MUC20: variants seen among roughly 807,000 people sequenced by gnomAD.
MUC20 encodes the protein mucin 20, cell surface associated, also known as mucin-20.
A neutral mutation model predicts 23.8 loss-of-function variants in MUC20; 14 were observed. The observed-to-expected ratio is 0.59, with a 90% confidence interval of 0.39 to 0.92. MUC20 has a LOEUF of 0.92. MUC20 is among the 40% of genes least tolerant of loss of function. The probability of loss-of-function intolerance (pLI) is 0.00; values close to 1 mark genes in which losing one functional copy is unlikely to be tolerated. For missense variants in MUC20, 375 were observed against 668.8 expected (o/e 0.56, Z 4.85); for synonymous variants, 166 against 279.3 (o/e 0.59, Z 4.04).
chr3:195,726,700 C>T, intron 2 of MUC20, 128 bp downstream of exon 2: 1 of 1,128,422 alleles, frequency 8.9e-7, no homozygotes, highest in Non-Finnish European at 1.3e-6. Context: ...GATGTTGCCT[C>T]TTCGTGATCT....
Position 195,724,990 on chromosome 3 carries a change from C to T in MUC20, c.387C>T (p.Thr129=), listed in dbSNP as rs371052229. ...GAGCTGGAATGACCACAGTTCAGAC[C>T]ATCACAGGCAGTGATCCCAGGGAAG... ...PEGAGMTTVQ[T]ITGSDPREAI... The change falls in exon 2 of 4, where the codon ACC becomes ACT. Residue 129 remains threonine (T), a synonymous_variant. Transcript: ENST00000447234. The T allele has an allele frequency of 4.4e-5, 70 of 1,596,270 alleles. No homozygotes were observed. Among genetic ancestry groups the T allele is most frequent in the Non-Finnish European group, 6.0e-5 (70 of 1,175,104 alleles).
Position 195,733,219 on chromosome 3 carries a change from C to T in MUC20, c.*1C>T, listed in dbSNP as rs370470747. On this transcript the variant is annotated 3_prime_UTR_variant, in exon 4 of 4. Transcript: ENST00000447234. ...CTTACTGCGTGTCAGGAGAGGCTAACGGACATCAGCTGCAGCCAGGCATGT... is the reference window on the plus strand; with the variant it reads ...CTTACTGCGTGTCAGGAGAGGCTAATGGACATCAGCTGCAGCCAGGCATGT... 2.0e-4 allele frequency: 325 copies of T among 1,587,426 alleles called. 1 individual carries two copies. The highest frequency in any genetic ancestry group is 1.6e-4 in the Middle Eastern group (1 of 6,074).
intron 2 of MUC20, among the ~76,000 whole-genome samples, chr3:195,728,404 A>G (rs62283738): frequency 0.18 from 26,516 of 150,318 alleles, 1,683 homozygotes; most frequent in Non-Finnish European, 0.22. Flanking sequence ...TCAAGGGAAG[A>G]TACTATGCCT....
chr3:195,733,330 A>C lies in MUC20; in HGVS notation c.*112A>C. 1 of 1,521,434 alleles carries C rather than the reference A, an allele frequency of 6.6e-7. No homozygotes were observed. Among genetic ancestry groups the C allele is most frequent in the Non-Finnish European group, 8.8e-7 (1 of 1,130,862 alleles). 94.2% of individuals were successfully genotyped at this position (1,521,434 alleles called of 1,614,324 possible). ...CGTTACTGTGCTGAGAGGTACCCAG[A>C]AGGTTCCCATGAAGGGCAGCATGTC... On this transcript the variant is annotated 3_prime_UTR_variant, in exon 4 of 4. Transcript: ENST00000447234.
intron 2 of MUC20, among the ~76,000 whole-genome samples, chr3:195,728,392 GT>G (rs1258524168): frequency 1.3e-5 from 2 of 152,284 alleles, no homozygotes; most frequent in Non-Finnish European, 2.9e-5. Flanking sequence ...TCATAATTAA[GT>G]TCAAGGGAAG....
In MUC20 at chr3:195,726,130, A is replaced by G; in HGVS notation, c.1527A>G (p.Glu509=). ...CCACTAACAGCGCCACAGAAAGAGA[A>G]GTGACAGCACCCGGGGCCACGACCC... ...PLPTNSATER[E]VTAPGATTLS... is the part of the protein sequence containing the mutation. The change falls in exon 2 of 4, where the codon GAA becomes GAG. Residue 509 remains glutamate, a synonymous_variant. Transcript: ENST00000447234. 3 of 1,608,708 alleles carry G rather than the reference A, an allele frequency of 1.9e-6. No individual in the cohort carries two copies. Among genetic ancestry groups the G allele is most frequent in the Non-Finnish European group, 2.6e-6 (3 of 1,175,972 alleles).
At position 195,728,301 on chromosome 3, in the gene MUC20, T is replaced by C. The variant is rs964586605; in HGVS notation, c.1970-1347T>C. 3.6e-3 allele frequency among the ~76,000 whole-genome samples: 546 copies of C among 152,256 alleles called. 6 individuals carry two copies. Among genetic ancestry groups the C allele is most frequent in the African/African-American group, 7.6e-3 (316 of 41,490 alleles). On this transcript the variant is annotated intron_variant, in intron 2 of 3. Coordinates refer to ENST00000447234, the MANE Select transcript of MUC20 (RefSeq NM_001282506.2). ...TTATTGATTATTATTTTCATTATTT[T>C]AGCAAAAAGGAATGTAGTAGGAGAG...
chr3:195,728,748 G>A (rs371941147), intron 2 of MUC20, among the ~76,000 whole-genome samples: 7,967 of 149,500 alleles, frequency 0.053, 28 homozygotes, highest in Middle Eastern at 0.09. Flanking sequence ...CTATACATGG[G>A]GAGAAAGCTT....
Position 195,733,498 on chromosome 3 carries a change from G to C in MUC20, c.*280G>C. 1 of 1,378,956 alleles carries C rather than the reference G, an allele frequency of 7.3e-7. No individual in the cohort carries two copies. Among genetic ancestry groups the C allele is most frequent in the Non-Finnish European group, 9.3e-7 (1 of 1,070,244 alleles). The allele number at this position is 1,378,956 out of a possible 1,614,324, so 85.4% of individuals were successfully genotyped here. On this transcript the variant is annotated 3_prime_UTR_variant, in exon 4 of 4. Coordinates refer to ENST00000447234, the MANE Select transcript of MUC20 (RefSeq NM_001282506.2). ...TCTGTGTTTCAGTAAAGAGAGACCT[G>C]ATCACCCATCTGTGTGCTTCCATCC...
intron 2 of MUC20, 83 bp from the exon 3 acceptor site, chr3:195,729,565 C>T (rs779676970): frequency 7.6e-7 from 1 of 1,319,258 alleles, no homozygotes; most frequent in South Asian, 1.3e-5. Flanking sequence ...ATCCACCTGC[C>T]TCTGCCTCCC....
intron 2 of MUC20, chr3:195,729,437 C>T (rs1713124011): frequency 3.6e-6 from 2 of 559,660 alleles, no homozygotes; most frequent in Non-Finnish European, 6.3e-6. Context: ...CTGCCTCAGC[C>T]TCCTGAGTAG....
chr3:195,729,308 C>G (rs1470232911), intron 2 of MUC20: 1 of 313,414 alleles, frequency 3.2e-6, no homozygotes, highest in Non-Finnish European at 5.9e-6. Context: ...ACTATTTCAT[C>G]CTCCTCTTTT....
chr3:195,729,680 A>T lies in MUC20; in HGVS notation c.2002A>T (p.Ser668Cys). ...ENGGFLLLRLSVASPEDLTDP... is the reference protein window; with the variant it reads ...ENGGFLLLRLCVASPEDLTDP... ...TGGAGGTTTCCTCCTCCTGCGGCTG[A>T]GTGTGGCTTCCCCGGAAGACCTCAC... Residue 668 changes from serine to cysteine, a missense_variant, in exon 3 of 4, where the codon AGT becomes TGT. Ser to Cys is a moderately radical substitution (Grantham distance 112). Coordinates refer to ENST00000447234, the MANE Select transcript of MUC20 (RefSeq NM_001282506.2). 1 of 1,595,480 alleles carries T rather than the reference A, an allele frequency of 6.3e-7. No individual in the cohort carries two copies. Among genetic ancestry groups the T allele is most frequent in the Non-Finnish European group, 8.5e-7 (1 of 1,170,082 alleles).
At chr3:195,722,016 A>AAAC (rs1198156286) in intron 1 of MUC20, 1 of 169,348 alleles carries the variant, frequency 5.9e-6, no homozygotes, top group Non-Finnish European at 1.1e-5. Flanking sequence ...AACAAAAGTG[A>AAAC]AACTATGTTT....
intron 3 of MUC20, among the ~76,000 whole-genome samples, chr3:195,731,806 T>C (rs1560187859): frequency 1.3e-5 from 2 of 152,248 alleles, no homozygotes; most frequent in Non-Finnish European, 2.9e-5. Context: ...GTCTGTGTCC[T>C]TGGAGTTCTC....
At chr3:195,728,802 C>T (rs1713036255) in intron 2 of MUC20, among the ~76,000 whole-genome samples, 1 of 151,924 alleles carries the variant, frequency 6.6e-6, no homozygotes, top group Non-Finnish European at 1.5e-5. Flanking sequence ...TGCGGCTTTC[C>T]ACAGTGCATT....
chr3:195,733,053 G>C (rs113184738), intron 3 of MUC20, 97 bp from the exon 4 acceptor site: 28,940 of 1,340,150 alleles, frequency 0.022, 248 homozygotes, highest in African/African-American at 0.085. Flanking sequence ...GCCGTCCTCC[G>C]CATGCACTCT....
chr3:195,723,275 C>A (rs1327871618), intron 1 of MUC20, among the ~76,000 whole-genome samples: 1 of 132,212 alleles, frequency 7.6e-6, no homozygotes, highest in African/African-American at 3.0e-5. Context: ...GGGCCCCATC[C>A]TGATGCCCTG....
chr3:195,730,440 G>A (rs1713269553), intron 3 of MUC20, among the ~76,000 whole-genome samples: 1 of 152,210 alleles, frequency 6.6e-6, no homozygotes, highest in Non-Finnish European at 1.5e-5. Flanking sequence ...CCGCCTCCTG[G>A]GTTCACGCCA....
Sources: allele counts gnomAD v4.1 joint callset (sites outside exome capture counted in the v4.1 genomes callset), GRCh38; gene constraint gnomAD v4.1.1; transcripts MANE v1.5; gene names NCBI Gene and HGNC (gene_info 2026-07-23, HGNC 2026-07-21).